AQP4: variants seen among roughly 807,000 people sequenced by gnomAD.
The protein encoded by AQP4 is aquaporin-4.
Under a neutral mutation model 27.8 loss-of-function variants are expected in AQP4, and 18 were observed. That is an observed-to-expected ratio of 0.65 (90% CI 0.45 to 0.96). The LOEUF (loss-of-function observed/expected upper bound fraction) is 0.96. Among genes scored for constraint, AQP4 ranks in the 40% least tolerant of loss-of-function variants. The pLI is 0.00. For synonymous variants in AQP4, 141 were observed against 142.9 expected (o/e 0.99, Z 0.10); for missense variants, 412 against 408.2 (o/e 1.01, Z -0.08).
chr18:26,863,767 G>T (rs1394795689), intron 1 of AQP4, among the ~76,000 whole-genome samples: 1 of 152,162 alleles, frequency 6.6e-6, no homozygotes, highest in African/African-American at 2.4e-5. Context: ...TTTCTCTACG[G>T]TCTTTTTGAT....
chr18:26,853,144 A>G lies in AQP4; in HGVS notation c.*3067T>C, dbSNP rs1237839196. The G allele has an allele frequency of 2.8e-6, 1 of 360,388 alleles. No homozygotes were observed. The highest frequency in any genetic ancestry group is 4.9e-6 in the Non-Finnish European group (1 of 202,524). 22.3% of individuals were successfully genotyped at this position (360,388 alleles called of 1,614,324 possible). A position where few individuals can be genotyped will look rare whatever the true frequency, so the allele number is the denominator to read the frequency against. On this transcript the variant is annotated 3_prime_UTR_variant, in exon 5 of 5. Coordinates refer to ENST00000383168, the MANE Select transcript of AQP4 (RefSeq NM_001650.7). ...CCAAAGATTTCTAATCTCCTTGTAA[A>G]GTCTTCAATACTGAGCAGCAGCTCT...
In AQP4 at chr18:26,852,929, T is replaced by C. The variant is rs1407411371; in HGVS notation, c.*3282A>G. 1 of 398,388 alleles carries C rather than the reference T, an allele frequency of 2.5e-6. No individual in the cohort carries two copies. The highest frequency in any genetic ancestry group is 4.4e-5 in the Admixed American group (1 of 22,714). 24.7% of individuals were successfully genotyped at this position (398,388 alleles called of 1,614,324 possible). A position where few individuals can be genotyped will look rare whatever the true frequency, so the allele number is the denominator to read the frequency against. On this transcript the variant is annotated 3_prime_UTR_variant, in exon 5 of 5. Coordinates refer to ENST00000383168, the MANE Select transcript of AQP4 (RefSeq NM_001650.7). ...TAACGTGAGGTTGGTGTCAACATGC[T>C]GCAATCAGAGGCCTTCTAGGATTCA...
chr18:26,856,253 C>T lies in AQP4; in HGVS notation c.930G>A (p.Lys310=). The T allele has an allele frequency of 6.2e-7, 1 of 1,614,174 alleles. No homozygotes were observed. Among genetic ancestry groups the T allele is most frequent in the African/African-American group, 1.3e-5 (1 of 75,036 alleles). The change falls in exon 5 of 5, where the codon AAG becomes AAA. Residue 310 remains lysine (K), a synonymous_variant. Coordinates refer to ENST00000383168, the MANE Select transcript of AQP4 (RefSeq NM_001650.7). ...HVIDVDRGEE[K]KGKDQSGEVL... ...CCTCTCCAGATTGGTCTTTCCCCTT[C>T]TTCTCCTCTCCCCGGTCAACGTCAA...
chr18:26,863,895 C>T (rs948484538), intron 1 of AQP4, among the ~76,000 whole-genome samples: 7 of 152,080 alleles, frequency 4.6e-5, no homozygotes, highest in Admixed American at 2.6e-4. Flanking sequence ...CGTCTATATC[C>T]CTCTTGCTGT....
intron 3 of AQP4, 101 bp from the exon 4 acceptor site, chr18:26,860,953 C>T: frequency 1.1e-5 from 15 of 1,389,532 alleles, no homozygotes; most frequent in Non-Finnish European, 1.5e-5. Context: ...AGAGGAACCT[C>T]AAGATATTAG....
At position 26,855,997 on chromosome 18, in the gene AQP4, A is replaced by G. The variant is rs1028905932; in HGVS notation, c.*214T>C. The G allele has an allele frequency of 6.0e-5, 37 of 614,986 alleles. No homozygotes were observed. Among genetic ancestry groups the G allele is most frequent in the Middle Eastern group, 4.5e-4 (1 of 2,210 alleles). 38.1% of individuals were successfully genotyped at this position (614,986 alleles called of 1,614,324 possible). A position where few individuals can be genotyped will look rare whatever the true frequency, so the allele number is the denominator to read the frequency against. On this transcript the variant is annotated 3_prime_UTR_variant, in exon 5 of 5. Transcript: ENST00000383168. ...ATATATTTGCTTAAGAACATTTTAA[A>G]AATATTTCTTTTTTTAGATTTGGAA...
chr18:26,860,505 T>C (rs1598514444), intron 4 of AQP4, among the ~76,000 whole-genome samples: 1 of 152,198 alleles, frequency 6.6e-6, no homozygotes. Flanking sequence ...ATCTGTTAGA[T>C]ACAGTGTCTA....
chr18:26,860,881 C>T (rs1164833612), intron 3 of AQP4, 29 bp from the exon 4 acceptor site: 6 of 1,601,672 alleles, frequency 3.7e-6, no homozygotes, highest in Non-Finnish European at 4.3e-6. Flanking sequence ...CAACTTCAGA[C>T]ATTGCTGAAA....
intron 1 of AQP4, among the ~76,000 whole-genome samples, chr18:26,863,655 A>G (rs111931765): frequency 0.039 from 6,012 of 152,266 alleles, 420 homozygotes; most frequent in African/African-American, 0.14. Context: ...ATGCCCCGGT[A>G]CCTTTCCTGC....
At chr18:26,863,008 G>GA (rs71169890) in intron 1 of AQP4, 1 of 157,382 alleles carries the variant, frequency 6.4e-6, no homozygotes, top group Non-Finnish European at 1.3e-5. Context: ...GGGGGGGGGG[G>GA]TCGTCTTTTC....
intron 2 of AQP4, chr18:26,861,884 T>C (rs1490568047): frequency 1.1e-5 from 5 of 453,672 alleles, no homozygotes; most frequent in Non-Finnish European, 2.0e-5. Context: ...GAAAATGCAT[T>C]AAGCTAAATA....
At chr18:26,857,650 A>G (rs1331582185) in intron 4 of AQP4, among the ~76,000 whole-genome samples, 1 of 152,004 alleles carries the variant, frequency 6.6e-6, no homozygotes, top group East Asian at 1.9e-4. Flanking sequence ...CATATTAGCT[A>G]TGCCCCTAGA....
chr18:26,856,178 G>C lies in AQP4; in HGVS notation c.*33C>G. 3 of 1,612,756 alleles carry C rather than the reference G, an allele frequency of 1.9e-6. No homozygotes were observed. Among genetic ancestry groups the C allele is most frequent in the Non-Finnish European group, 2.5e-6 (3 of 1,178,850 alleles). ...GAAGGAAATCTGAGGACAGTTCTAAGGAGTCTTGTCTGCTTTCAGTGCGAT... is the reference window on the plus strand; with the variant it reads ...GAAGGAAATCTGAGGACAGTTCTAACGAGTCTTGTCTGCTTTCAGTGCGAT... On this transcript the variant is annotated 3_prime_UTR_variant, in exon 5 of 5. Transcript: ENST00000383168.
In AQP4 at chr18:26,865,685, C is replaced by T. The variant is rs375551135; in HGVS notation, c.5G>A (p.Ser2Asn). The part of the protein sequence containing the change: M[S>N]DRPTARRWGK... The stretch of plus-strand genomic sequence containing the variant: ...CCACCGCCTTGCTGTGGGTCTGTCA[C>T]TCATGCCTTCCCCAGCCAGAGTGCA... The change falls in exon 1 of 5, where the codon AGT becomes AAT. Residue 2 changes from serine (S) to asparagine (N), a missense_variant. Coordinates refer to ENST00000383168, the MANE Select transcript of AQP4 (RefSeq NM_001650.7). The T allele has an allele frequency of 1.2e-6, 2 of 1,614,116 alleles. No homozygotes were observed. The highest frequency in any genetic ancestry group is 2.2e-5 in the East Asian group (1 of 44,878).
At chr18:26,861,450 C>T (rs868436069) in intron 2 of AQP4, among the ~76,000 whole-genome samples, 155 bp from the exon 3 acceptor site, 1 of 152,166 alleles carries the variant, frequency 6.6e-6, no homozygotes, top group Non-Finnish European at 1.5e-5. Flanking sequence ...TCTCACCCCC[C>T]AAAAAGAAGG....
At chr18:26,860,892 CAG>C (rs1355277079) in intron 3 of AQP4, 40 bp from the exon 4 acceptor site, 1 of 1,576,666 alleles carries the variant, frequency 6.3e-7, no homozygotes, top group Admixed American at 1.7e-5. Context: ...ATTGCTGAAA[CAG>C]GGCTACTAGC....
intron 1 of AQP4, chr18:26,863,303 A>T (rs2054992622): frequency 6.5e-6 from 1 of 153,072 alleles, no homozygotes; most frequent in Non-Finnish European, 1.5e-5. Context: ...GGACACGCGC[A>T]CCGCCCAGAT....
chr18:26,861,887 G>A, intron 2 of AQP4: 1 of 462,206 alleles, frequency 2.2e-6, no homozygotes, highest in Non-Finnish European at 4.0e-6. Flanking sequence ...AATGCATTAA[G>A]CTAAATATAA....
At chr18:26,865,725 C>T (rs767072365), upstream of AQP4, 2 of 1,613,834 alleles carry the variant, frequency 1.2e-6, no homozygotes, top group Non-Finnish European at 1.7e-6. Flanking sequence ...TCATTGCCTG[C>T]CCCGCAGCTC....
Sources: allele counts gnomAD v4.1 joint callset (sites outside exome capture counted in the v4.1 genomes callset), GRCh38; gene constraint gnomAD v4.1.1; transcripts MANE v1.5; gene names NCBI Gene and HGNC (gene_info 2026-07-23, HGNC 2026-07-21).